NBEA: variants seen among roughly 807,000 people sequenced by gnomAD.
NBEA encodes the protein lysosomal-trafficking regulator 2.
NBEA carries 44 observed loss-of-function variants against 343.4 expected under a neutral mutation model. That is an observed-to-expected ratio of 0.13 (90% CI 0.10 to 0.16). The LOEUF is 0.16. Among genes scored for constraint, NBEA ranks in the 10% least tolerant of loss-of-function variants. NBEA has a pLI of 1.00. For synonymous variants in NBEA, 1,175 were observed against 1,238.7 expected (o/e 0.95, Z 1.08); for missense variants, 2,555 against 3,631.3 (o/e 0.70, Z 7.62).
At chr13:35,642,877 A>G (rs2084029661) in intron 49 of NBEA, among the ~76,000 whole-genome samples, 1 of 151,686 alleles carries the variant, frequency 6.6e-6, no homozygotes, top group Non-Finnish European at 1.5e-5. Context: ...AGGAATCTTT[A>G]TCTGTTTCAT....
At chr13:35,211,839 C>T (rs117816323) in intron 33 of NBEA, among the ~76,000 whole-genome samples, 6,739 of 151,448 alleles carry the variant, frequency 0.044, 160 homozygotes, top group African/African-American at 0.059. Context: ...AATAAATAAA[C>T]AAATAAACAA....
At chr13:35,565,451 AT>A (rs1345880712) in intron 44 of NBEA, among the ~76,000 whole-genome samples, 4 of 152,004 alleles carry the variant, frequency 2.6e-5, no homozygotes, top group African/African-American at 9.7e-5. Flanking sequence ...TAATTTCCTG[AT>A]GATGAACAAG....
chr13:35,283,331 C>CTA (rs1223126953), intron 34 of NBEA, among the ~76,000 whole-genome samples: 1 of 152,006 alleles, frequency 6.6e-6, no homozygotes, highest in African/African-American at 2.4e-5. Context: ...TATTGTGTAA[C>CTA]TACAATTAAA....
rs906197054 is a variant in NBEA at position 34,968,943 on chromosome 13, T to G, written c.294+25829T>G. Reference sequence around the variant, plus strand: ...TGTTTTAATATCAATTGAGAAGGACTTCAGTTAAGTCCTCTTTGTGCCTCT... The same window carrying G: ...TGTTTTAATATCAATTGAGAAGGACGTCAGTTAAGTCCTCTTTGTGCCTCT... On this transcript the variant is annotated intron_variant, in intron 1 of 58. Transcript: ENST00000379939. Among the ~76,000 whole-genome samples the G allele has an allele frequency of 2.0e-5, 3 of 152,030 alleles. No individual in the cohort carries two copies. The South Asian group carries it at 6.2e-4, about 32-fold the overall frequency.
chr13:35,595,589 C>T (rs1055325486), intron 47 of NBEA, among the ~76,000 whole-genome samples: 1 of 152,096 alleles, frequency 6.6e-6, no homozygotes, highest in Non-Finnish European at 1.5e-5. Context: ...CTGATTGTTA[C>T]TATGAAGCAC....
rs1251861764 is a variant in NBEA, at chr13:35,646,359, T to C, written c.7770+11T>C. The C allele has an allele frequency of 2.5e-6, 4 of 1,602,954 alleles. No individual in the cohort carries two copies. Among genetic ancestry groups the C allele is most frequent in the Admixed American group, 3.3e-5 (2 of 59,780 alleles). On this transcript the variant is annotated intron_variant, in intron 51 of 58. Coordinates refer to ENST00000379939, the MANE Select transcript of NBEA (RefSeq NM_001385012.1). The stretch of plus-strand genomic sequence containing the variant: ...TCTGCCATGCACCTGGTAAGACATA[T>C]CAGCATGTTGAGATTTTTTTTTCTT...
chr13:35,531,302 C>G (rs2078251959), intron 41 of NBEA, among the ~76,000 whole-genome samples: 1 of 152,190 alleles, frequency 6.6e-6, no homozygotes, highest in African/African-American at 2.4e-5. Context: ...AGTCTTCCTA[C>G]TATCATAGTT....
rs181679518 is a variant in NBEA at position 35,418,797 on chromosome 13, G to A, written c.6180-13472G>A. On this transcript the variant is annotated intron_variant, in intron 38 of 58. Coordinates refer to ENST00000379939, the MANE Select transcript of NBEA (RefSeq NM_001385012.1). ...TATTATCAGAAAAATGAGAATATAA[G>A]GAGAGTATTATTTGTATACTCTATG... 1.6e-3 allele frequency among the ~76,000 whole-genome samples: 245 copies of A among 152,032 alleles called. 1 individual carries two copies. The highest frequency in any genetic ancestry group is 6.8e-3 in the Middle Eastern group (2 of 294).
At chr13:35,143,386 C>T (rs902236450) in intron 18 of NBEA, among the ~76,000 whole-genome samples, 1 of 152,166 alleles carries the variant, frequency 6.6e-6, no homozygotes, top group Admixed American at 6.5e-5. Flanking sequence ...CCTAAGTTTT[C>T]TGCTTTTAAA....
At chr13:35,015,854 AAC>A (rs1342174999) in intron 1 of NBEA, among the ~76,000 whole-genome samples, 3 of 152,078 alleles carry the variant, frequency 2.0e-5, no homozygotes, top group Non-Finnish European at 4.4e-5. Flanking sequence ...CATTATGTAT[AAC>A]AGTGATTCAG....
chr13:35,216,885 T>TAAA (rs2074094291), intron 33 of NBEA, among the ~76,000 whole-genome samples: 1 of 151,950 alleles, frequency 6.6e-6, no homozygotes, highest in Admixed American at 6.6e-5. Flanking sequence ...TATGTGAACA[T>TAAA]ACATTTTTGT....
intron 1 of NBEA, among the ~76,000 whole-genome samples, chr13:34,974,205 C>A (rs1168524260): frequency 6.6e-6 from 1 of 152,224 alleles, no homozygotes; most frequent in East Asian, 1.9e-4. Context: ...CCTGATTAGT[C>A]CCAATGCAAG....
intron 10 of NBEA, chr13:35,071,060 C>A: frequency 5.3e-6 from 2 of 377,360 alleles, no homozygotes; most frequent in Non-Finnish European, 9.1e-6. Context: ...TAAAGGAATG[C>A]CTTCCTTGAT....
intron 28 of NBEA, 32 bp from the exon 29 acceptor site, chr13:35,182,328 G>A (rs1566421310): frequency 1.9e-6 from 3 of 1,562,954 alleles, no homozygotes; most frequent in South Asian, 1.2e-5. Flanking sequence ...CAAAAAGTTT[G>A]AGTGTTAAAA....
At chr13:35,076,495 C>T (rs1279703671) in intron 10 of NBEA, among the ~76,000 whole-genome samples, 1 of 151,932 alleles carries the variant, frequency 6.6e-6, no homozygotes, top group Non-Finnish European at 1.5e-5. Flanking sequence ...GCTTTTTCTT[C>T]TTTTTAAATT....
chr13:35,284,915 A>G (rs1006681102), intron 34 of NBEA, among the ~76,000 whole-genome samples: 12 of 152,140 alleles, frequency 7.9e-5, no homozygotes, highest in African/African-American at 2.9e-4. Flanking sequence ...CAGGAGTCTA[A>G]AAGACACTCA....
chr13:35,308,530 A>ATGTGTATATATATATG (rs1566597601), intron 35 of NBEA, among the ~76,000 whole-genome samples: 9 of 124,918 alleles, frequency 7.2e-5, no homozygotes, highest in Admixed American at 3.8e-4. Context: ...ATGTATATAT[A>ATGTGTATATATATATG]TGTATATATG....
intron 41 of NBEA, among the ~76,000 whole-genome samples, chr13:35,528,208 G>T (rs997687466): frequency 2.6e-5 from 4 of 151,658 alleles, no homozygotes; most frequent in African/African-American, 9.7e-5. Flanking sequence ...GAAGGGCCAG[G>T]CCACTCACAT....
intron 25 of NBEA, 25 bp downstream of exon 25, chr13:35,169,020 T>G: frequency 6.8e-7 from 1 of 1,478,066 alleles, no homozygotes; most frequent in Non-Finnish European, 9.0e-7. Context: ...TGTAGTAATT[T>G]TCAGCTTTCA....
Sources: gnomAD v4.1 joint callset for allele counts (sites outside exome capture counted in the v4.1 genomes callset) on GRCh38, gnomAD v4.1.1 for gene constraint, MANE v1.5 for transcripts, NCBI Gene and HGNC (gene_info 2026-07-23, HGNC 2026-07-21) for gene names.